The following MECOM variants were observed in gnomAD, a reference collection of about 807,000 sequenced individuals.
MECOM encodes the protein histone-lysine N-methyltransferase MECOM.
In MECOM, 13 loss-of-function variants were observed where a neutral mutation model predicts 116.3. That is an observed-to-expected ratio of 0.11 (90% confidence interval 0.07 to 0.18). The LOEUF is 0.18. Ranked by LOEUF, MECOM falls within the 10% of genes least tolerant of loss-of-function variation. The pLI is 1.00. For missense variants in MECOM, 1,299 were observed against 1,509.0 expected, an observed-to-expected ratio of 0.86 and a Z score of 2.31; for synonymous variants, 528 against 535.2, an observed-to-expected ratio of 0.99 and a Z score of 0.19.
At chr3:169,375,549 A>G (rs1730875602) in intron 2 of MECOM, among the ~76,000 whole-genome samples, 1 of 152,090 alleles carries the variant, frequency 6.6e-6, no homozygotes, top group Admixed American at 6.6e-5. Flanking sequence ...TACTATAAAC[A>G]CCTCCATGCA....
intron 1 of MECOM, among the ~76,000 whole-genome samples, chr3:169,453,788 T>C (rs1746001571): frequency 6.6e-6 from 1 of 152,206 alleles, no homozygotes. Flanking sequence ...TATGATTGTT[T>C]GATGTTTTAT....
intron 1 of MECOM, among the ~76,000 whole-genome samples, chr3:169,641,044 G>T (rs1020506150): frequency 6.6e-6 from 1 of 152,224 alleles, no homozygotes; most frequent in African/African-American, 2.4e-5. Flanking sequence ...GCAGCACTGG[G>T]AGGGCAGAAG....
chr3:169,201,293 T>TA lies in MECOM; in HGVS notation c.376-57462dup, dbSNP rs531087857. On this transcript the variant is annotated intron_variant, in intron 2 of 16. Transcript: ENST00000651503. ...TGTGTGTGTGTGTGTGTAGACAAAA[T>TA]AAAATTCAGAAAGAGAAAATCTATT... Among the ~76,000 whole-genome samples the TA allele has an allele frequency of 3.2e-4, 48 of 151,800 alleles. No individual in the cohort carries two copies. In the South Asian group the frequency reaches 8.9e-3, roughly 28 times the overall value.
intron 1 of MECOM, among the ~76,000 whole-genome samples, chr3:169,473,488 CG>C (rs1322246285): frequency 6.6e-6 from 1 of 152,058 alleles, no homozygotes. Flanking sequence ...ACACCAGATA[CG>C]GCAGGGCGTG....
intron 2 of MECOM, among the ~76,000 whole-genome samples, chr3:169,324,003 G>A (rs532724960): frequency 6.6e-6 from 1 of 152,214 alleles, no homozygotes; most frequent in East Asian, 1.9e-4. Context: ...CAGCCCAGCC[G>A]AAGCCCAGCT....
At position 169,133,799 on chromosome 3, in the gene MECOM, G is replaced by A. The variant is rs1045302808; in HGVS notation, c.511-2268C>T. 17 of 520,480 alleles carry A rather than the reference G, an allele frequency of 3.3e-5. No homozygotes were observed. In the African/African-American group the frequency reaches 3.4e-4, roughly 10 times the overall value. The allele number at this position is 520,480 out of a possible 1,614,324, so 32.2% of individuals were successfully genotyped here. On this transcript the variant is annotated intron_variant, in intron 3 of 16. Transcript: ENST00000651503. The stretch of plus-strand genomic sequence containing the variant: ...AAAATAATAATAAAATAATGTGTGA[G>A]TTTGCTTTTTTCCCCTAAACTTTCC...
At chr3:169,266,169 A>T (rs1315942421) in intron 2 of MECOM, among the ~76,000 whole-genome samples, 1 of 152,254 alleles carries the variant, frequency 6.6e-6, no homozygotes. Context: ...AACTCAAAAA[A>T]GGAAACTAAC....
At chr3:169,427,030 CT>C (rs1174129698) in intron 1 of MECOM, among the ~76,000 whole-genome samples, 10 of 152,034 alleles carry the variant, frequency 6.6e-5, no homozygotes, top group Non-Finnish European at 1.5e-4. Context: ...TACTAGATTA[CT>C]TTTTTTCAAT....
At position 169,115,893 on chromosome 3, in the gene MECOM, T is replaced by C; in HGVS notation, c.1979A>G (p.Asp660Gly). The C allele has an allele frequency of 3.1e-6, 5 of 1,614,100 alleles. No homozygotes were observed. The South Asian group carries it at 4.4e-5, about 14-fold the overall frequency. Reference sequence around the variant, plus strand: ...AATAGAAGCAATAGCCTTTATAGAATCATTCACAGCTCCTGACACCGCAGT... The same window carrying C: ...AATAGAAGCAATAGCCTTTATAGAACCATTCACAGCTCCTGACACCGCAGT... ...EQTAVSGAVNDSIKAIASIAE... is the reference protein window; with the variant it reads ...EQTAVSGAVNGSIKAIASIAE... Residue 660 changes from aspartate to glycine, a missense_variant, in exon 8 of 17, where the codon GAT becomes GGT. Asp to Gly is a moderately conservative substitution (Grantham distance 94, BLOSUM62 -1). Around this residue, in one of 6 missense-constraint regions of MECOM, gnomAD observed 340 missense variants for 312.6 expected, o/e 1.09. Coordinates refer to ENST00000651503, the MANE Select transcript of MECOM (RefSeq NM_004991.4).
chr3:169,364,695 C>T (rs1160449418), intron 2 of MECOM, among the ~76,000 whole-genome samples: 1 of 152,038 alleles, frequency 6.6e-6, no homozygotes, highest in Non-Finnish European at 1.5e-5. Context: ...GTTGCCCATT[C>T]ATCACCTGCC....
chr3:169,319,733 T>C (rs961314068), intron 2 of MECOM, among the ~76,000 whole-genome samples: 1 of 152,204 alleles, frequency 6.6e-6, no homozygotes, highest in African/African-American at 2.4e-5. Flanking sequence ...GGGAAAGTTA[T>C]CAATCTCTCT....
At chr3:169,320,249 CAT>C (rs1329522751) in intron 2 of MECOM, among the ~76,000 whole-genome samples, 2 of 152,152 alleles carry the variant, frequency 1.3e-5, no homozygotes, top group Admixed American at 6.5e-5. Flanking sequence ...TTAGGAGAAA[CAT>C]ATGTCATCCA....
chr3:169,493,647 G>T (rs1753416948), intron 1 of MECOM, among the ~76,000 whole-genome samples: 2 of 152,124 alleles, frequency 1.3e-5, no homozygotes, highest in African/African-American at 4.8e-5. Flanking sequence ...TCCTCAGATG[G>T]GAAATGATTT....
intron 1 of MECOM, among the ~76,000 whole-genome samples, chr3:169,409,317 A>G (rs1737192280): frequency 6.6e-6 from 1 of 152,164 alleles, no homozygotes; most frequent in South Asian, 2.1e-4. Context: ...CTAAATCTAC[A>G]TCCCTTCAGG....
At chr3:169,600,261 C>T (rs1353991242) in intron 1 of MECOM, among the ~76,000 whole-genome samples, 1 of 152,054 alleles carries the variant, frequency 6.6e-6, no homozygotes. Flanking sequence ...CATGAGCCAC[C>T]GTGCCCAGCC....
At position 169,212,633 on chromosome 3, in the gene MECOM, A is replaced by AATATATATATATAT. The variant is rs780806279; in HGVS notation, c.376-68802_376-68801insATATATATATATAT. 2.3e-5 allele frequency among the ~76,000 whole-genome samples: 2 copies of AATATATATATATAT among 85,504 alleles called. 1 individual carries two copies. The highest frequency in any genetic ancestry group is 4.7e-5 in the Non-Finnish European group (2 of 42,240). The allele number at this position is 85,504 out of a possible 152,430, so 56.1% of individuals were successfully genotyped here. On this transcript the variant is annotated intron_variant, in intron 2 of 16. Coordinates refer to ENST00000651503, the MANE Select transcript of MECOM (RefSeq NM_004991.4). ...ACATAGTCTTGGTCTTCTAGTCAGCAATGTATATATATATATATATATATA... is the reference window on the plus strand; with the variant it reads ...ACATAGTCTTGGTCTTCTAGTCAGCAATATATATATATATATGTATATATATATATATATATATA...
intron 11 of MECOM, 108 bp from the exon 12 acceptor site, chr3:169,101,070 A>T (rs900175340): frequency 4.0e-5 from 22 of 555,266 alleles, no homozygotes; most frequent in Admixed American, 5.6e-5. Context: ...TCTTGCATGG[A>T]ACTCACATTT....
At chr3:169,566,768 C>T (rs887923483) in intron 1 of MECOM, among the ~76,000 whole-genome samples, 6 of 152,204 alleles carry the variant, frequency 3.9e-5, no homozygotes, top group African/African-American at 1.4e-4. Flanking sequence ...TGAACTTCTA[C>T]TTCCCCTCCT....
intron 1 of MECOM, among the ~76,000 whole-genome samples, chr3:169,481,458 C>T (rs1751271070): frequency 6.6e-6 from 1 of 152,152 alleles, no homozygotes; most frequent in African/African-American, 2.4e-5. Flanking sequence ...GAGCCCGAGG[C>T]AGGAGAATCG....
Sources: allele counts gnomAD v4.1 joint callset (sites outside exome capture counted in the v4.1 genomes callset), GRCh38; gene constraint gnomAD v4.1.1; regional missense constraint gnomAD v4.1.1; transcripts MANE v1.5; gene names NCBI Gene and HGNC (gene_info 2026-07-23, HGNC 2026-07-21).